SNX30: variants seen among roughly 807,000 people sequenced by gnomAD.
SNX30 encodes the protein sorting nexin-30.
SNX30 carries 24 observed loss-of-function variants against 46.4 expected under a neutral mutation model. The observed-to-expected ratio is 0.52, with a 90% CI of 0.37 to 0.73. The LOEUF is 0.73. Ranked by LOEUF, SNX30 falls within the 30% of genes least tolerant of loss-of-function variation. The pLI, the probability that SNX30 is intolerant of heterozygous loss-of-function variation, is 0.00. For missense variants in SNX30, 533 were observed against 555.7 expected (o/e 0.96, Z 0.41); for synonymous variants, 189 against 211.5 (o/e 0.89, Z 0.92).
rs188360132 is a variant in SNX30 at position 112,814,809 on chromosome 9, G to A, written c.349-2896G>A. Among the ~76,000 whole-genome samples the A allele has an allele frequency of 1.1e-4, 17 of 152,254 alleles. No homozygotes were observed. In the East Asian group the frequency reaches 3.1e-3, roughly 28 times the overall value. On this transcript the variant is annotated intron_variant, in intron 2 of 8. Transcript: ENST00000374232. ...CTTTTGTCCAGCAATTCTATCTTTA[G>A]GAATTTATTTTAAGGGAATTACGAG...
chr9:112,836,463 G>A (rs1442795796), intron 5 of SNX30, 54 bp downstream of exon 5: 2 of 1,540,392 alleles, frequency 1.3e-6, no homozygotes, highest in African/African-American at 2.7e-5. Flanking sequence ...TGGCAGAAAT[G>A]CCATTCATGT....
downstream of SNX30, chr9:112,879,584 CT>C: frequency 1.8e-6 from 1 of 567,710 alleles, no homozygotes. Context: ...CAGGAAAGTG[CT>C]TTTCCCCATC....
intron 7 of SNX30, among the ~76,000 whole-genome samples, chr9:112,859,785 G>A (rs1046134259): frequency 6.6e-6 from 1 of 151,806 alleles, no homozygotes; most frequent in African/African-American, 2.4e-5. Flanking sequence ...GGGATTACAG[G>A]TGTGAGCCGC....
rs1365012178 is a variant in SNX30 at position 112,871,583 on chromosome 9, T to C, written c.*2740T>C. ...TATTTATTATTATTATTATTTACTT[T>C]ACCTCAAGCAGACAGACATAGGTTT... On this transcript the variant is annotated 3_prime_UTR_variant, in exon 9 of 9. Coordinates refer to ENST00000374232, the MANE Select transcript of SNX30 (RefSeq NM_001012994.2). 6.6e-6 allele frequency: 1 copy of C among 151,954 alleles called. No individual in the cohort carries two copies. The highest frequency in any genetic ancestry group is 1.5e-5 in the Non-Finnish European group (1 of 68,004). 9.4% of individuals were successfully genotyped at this position (151,954 alleles called of 1,614,324 possible).
At chr9:112,865,002 C>CAT (rs1327494698) in intron 8 of SNX30, among the ~76,000 whole-genome samples, 1 of 81,240 alleles carries the variant, frequency 1.2e-5, no homozygotes, top group African/African-American at 5.1e-5. Context: ...CACACACACA[C>CAT]ACCCACACAC....
At chr9:112,766,868 A>G (rs1839546179) in intron 1 of SNX30, among the ~76,000 whole-genome samples, 1 of 152,166 alleles carries the variant, frequency 6.6e-6, no homozygotes, top group African/African-American at 2.4e-5. Context: ...TCTGATGGAC[A>G]TTAGGTTGCT....
At position 112,874,447 on chromosome 9, in the gene SNX30, TA is replaced by T. The variant is rs1197295060; in HGVS notation, c.*5609del. 6.6e-6 allele frequency: 1 copy of T among 152,252 alleles called. No homozygotes were observed. The highest frequency in any genetic ancestry group is 1.5e-5 in the Non-Finnish European group (1 of 68,038). The allele number at this position is 152,252 out of a possible 1,614,324, so 9.4% of individuals were successfully genotyped here. A position where few individuals can be genotyped will look rare whatever the true frequency, so the allele number is the denominator to read the frequency against. Reference sequence around the variant, plus strand: ...GTATTTTAACTGTTAAAGAAGAGATTAAAAACTTCGGCTTTGGACATGTCCA... The same window carrying T: ...GTATTTTAACTGTTAAAGAAGAGATTAAAACTTCGGCTTTGGACATGTCCA... On this transcript the variant is annotated 3_prime_UTR_variant, in exon 9 of 9. Coordinates refer to ENST00000374232, the MANE Select transcript of SNX30 (RefSeq NM_001012994.2).
At chr9:112,791,497 C>T (rs897098711) in intron 1 of SNX30, among the ~76,000 whole-genome samples, 19 of 144,986 alleles carry the variant, frequency 1.3e-4, no homozygotes, top group African/African-American at 4.5e-4. Context: ...CTGCAACCTC[C>T]GCCTCCTGGG....
chr9:112,782,366 A>G (rs913188496), intron 1 of SNX30, among the ~76,000 whole-genome samples: 8 of 152,186 alleles, frequency 5.3e-5, no homozygotes, highest in African/African-American at 1.9e-4. Context: ...ATGCCCTGCC[A>G]TAAAGTTTTA....
chr9:112,869,792 C>G lies in SNX30; in HGVS notation c.*949C>G, dbSNP rs1179614904. 1 of 152,050 alleles carries G rather than the reference C, an allele frequency of 6.6e-6. No individual in the cohort carries two copies. 9.4% of individuals were successfully genotyped at this position (152,050 alleles called of 1,614,324 possible). A position where few individuals can be genotyped will look rare whatever the true frequency, so the allele number is the denominator to read the frequency against. ...CCAGTGTCAGCTTTGTGCAATTTGC[C>G]TTTACCTCACCAAAAATACCTACTT... On this transcript the variant is annotated 3_prime_UTR_variant, in exon 9 of 9. Transcript: ENST00000374232.
chr9:112,826,431 G>A (rs184897581), intron 3 of SNX30, among the ~76,000 whole-genome samples: 127 of 152,280 alleles, frequency 8.3e-4, no homozygotes, highest in Non-Finnish European at 9.7e-4. Context: ...GAAGATATAA[G>A]GTCAAGGGGT....
At chr9:112,782,567 T>C (rs7039609) in intron 1 of SNX30, among the ~76,000 whole-genome samples, 1 of 152,188 alleles carries the variant, frequency 6.6e-6, no homozygotes, top group Non-Finnish European at 1.5e-5. Context: ...CTGACATTTA[T>C]TTTTGCATTT....
intron 1 of SNX30, among the ~76,000 whole-genome samples, chr9:112,804,174 T>G (rs2131401260): frequency 6.6e-6 from 1 of 152,220 alleles, no homozygotes; most frequent in South Asian, 2.1e-4. Flanking sequence ...AGGTTTGTTT[T>G]TTTTTTTTAA....
At chr9:112,836,891 A>G (rs1212655008) in intron 5 of SNX30, among the ~76,000 whole-genome samples, 1 of 151,256 alleles carries the variant, frequency 6.6e-6, no homozygotes, top group South Asian at 2.1e-4. Flanking sequence ...TTTTAAACCC[A>G]CTCCTGCATG....
intron 6 of SNX30, among the ~76,000 whole-genome samples, chr9:112,849,252 A>G (rs1840987254): frequency 6.6e-6 from 1 of 152,226 alleles, no homozygotes; most frequent in Admixed American, 6.5e-5. Context: ...GGCTGTATGA[A>G]GTCCACAAAG....
At chr9:112,793,553 A>G (rs1840059820) in intron 1 of SNX30, among the ~76,000 whole-genome samples, 1 of 152,042 alleles carries the variant, frequency 6.6e-6, no homozygotes, top group African/African-American at 2.4e-5. Flanking sequence ...TGACAATCAC[A>G]CTTTCAAATT....
intron 8 of SNX30, among the ~76,000 whole-genome samples, chr9:112,865,775 G>GTA (rs113754962): frequency 0.068 from 9,809 of 143,594 alleles, 539 homozygotes; most frequent in South Asian, 0.18. Flanking sequence ...ATGTATGTAT[G>GTA]TATATATATA....
chr9:112,754,973 C>G (rs942974014), intron 1 of SNX30, among the ~76,000 whole-genome samples: 11 of 152,212 alleles, frequency 7.2e-5, no homozygotes, highest in Admixed American at 2.6e-4. Flanking sequence ...ATAGAGAAGG[C>G]TTTTCCTCCA....
intron 1 of SNX30, among the ~76,000 whole-genome samples, chr9:112,752,968 C>T (rs981083506): frequency 6.6e-6 from 1 of 152,150 alleles, no homozygotes; most frequent in Admixed American, 6.5e-5. Context: ...GGTTTTTCCC[C>T]CCAGAGCAAG....
Sources: allele counts gnomAD v4.1 joint callset (sites outside exome capture counted in the v4.1 genomes callset), GRCh38; gene constraint gnomAD v4.1.1; transcripts MANE v1.5; gene names NCBI Gene and HGNC (gene_info 2026-07-23, HGNC 2026-07-21).